PUS1: variants seen among roughly 807,000 people sequenced by gnomAD.
The protein encoded by PUS1 is pseudouridine synthase 1, also known as pseudouridylate synthase 1 homolog.
Under a neutral mutation model 38.5 loss-of-function variants are expected in PUS1, and 25 were observed. That is an observed-to-expected ratio of 0.65 (90% CI 0.47 to 0.91). The LOEUF is 0.91. PUS1 is among the 40% of genes least tolerant of loss of function. The probability of loss-of-function intolerance (pLI) is 0.00; values close to 1 mark genes in which losing one functional copy is unlikely to be tolerated. For missense variants in PUS1, 597 were observed against 612.3 expected (o/e 0.97, Z 0.26); for synonymous variants, 282 against 260.4 (o/e 1.08, Z -0.80).
chr12:131,932,869 G>T, intron 3 of PUS1: 1 of 448,136 alleles, frequency 2.2e-6, no homozygotes, highest in South Asian at 1.6e-5. Context: ...CTGTTATAAA[G>T]AACTGCTCAA....
rs1158013482 is a variant in PUS1, at chr12:131,930,138, G to T, written c.303+3G>T. On this transcript the variant is annotated splice_donor_region_variant and intron_variant, in intron 2 of 5. Transcript: ENST00000376649. ...GCAAGGGCTACCACGGCATGCAGGT[G>T]TGGCCGCCCGGGAAGCGGCAGGTCC... The T allele has an allele frequency of 7.0e-7, 1 of 1,423,154 alleles. No individual in the cohort carries two copies. Among genetic ancestry groups the T allele is most frequent in the Admixed American group, 2.8e-5 (1 of 35,990 alleles). 88.2% of individuals were successfully genotyped at this position (1,423,154 alleles called of 1,614,324 possible).
chr12:131,941,086 A>C lies in PUS1; in HGVS notation c.545-206A>C. The C allele has an allele frequency of 1.7e-6, 1 of 601,592 alleles. No individual in the cohort carries two copies. The highest frequency in any genetic ancestry group is 3.0e-6 in the Non-Finnish European group (1 of 336,098). The allele number at this position is 601,592 out of a possible 1,614,324, so 37.3% of individuals were successfully genotyped here. A position where few individuals can be genotyped will look rare whatever the true frequency, so the allele number is the denominator to read the frequency against. On this transcript the variant is annotated intron_variant, in intron 4 of 5. Transcript: ENST00000376649. This position sits in a 1 kb window ranked among gnomAD's most constrained non-coding sequence, Gnocchi z 4.4. ...TGTAAATTCAGTCACCTTATAGAGC[A>C]CTGCACCTGTCCCTCCTGTCCATCG... is the stretch of plus-strand genomic sequence containing the variant.
At chr12:131,933,789 CAA>C (rs1241002293) in intron 3 of PUS1, among the ~76,000 whole-genome samples, 3 of 152,096 alleles carry the variant, frequency 2.0e-5, no homozygotes, top group Admixed American at 6.6e-5. Flanking sequence ...TGTGCGGAGA[CAA>C]GAGATCGTAG....
At chr12:131,938,312 G>A (rs1234032393) in intron 3 of PUS1, among the ~76,000 whole-genome samples, 1 of 152,060 alleles carries the variant, frequency 6.6e-6, no homozygotes, top group Non-Finnish European at 1.5e-5. Flanking sequence ...AGGCATCGTG[G>A]TGCCTGTCTG....
Position 131,932,386 on chromosome 12 carries a change from T to G in PUS1, c.441+74T>G, listed in dbSNP as rs1044439884. ...TGGCCCACTTTCCAGCTCAGTGTTCTGGCTTGTTATGCTGTTTCTGAGCAC... is the reference window on the plus strand; with the variant it reads ...TGGCCCACTTTCCAGCTCAGTGTTCGGGCTTGTTATGCTGTTTCTGAGCAC... On this transcript the variant is annotated intron_variant, in intron 3 of 5. Transcript: ENST00000376649. 3 of 1,515,060 alleles carry G rather than the reference T, an allele frequency of 2.0e-6. No individual in the cohort carries two copies. The African/African-American group carries it at 4.1e-5, about 21-fold the overall frequency. The allele number at this position is 1,515,060 out of a possible 1,614,324, so 93.9% of individuals were successfully genotyped here.
intron 3 of PUS1, among the ~76,000 whole-genome samples, chr12:131,938,760 C>T (rs1488613999): frequency 2.0e-5 from 3 of 147,008 alleles, no homozygotes; most frequent in Non-Finnish European, 3.0e-5. Flanking sequence ...CTGGCTCTGT[C>T]ACCCAGGCTG....
chr12:131,929,978 G>A lies in PUS1; in HGVS notation c.146G>A (p.Cys49Tyr). 3 of 1,501,844 alleles carry A rather than the reference G, an allele frequency of 2.0e-6. No individual in the cohort carries two copies. The highest frequency in any genetic ancestry group is 1.3e-5 in the South Asian group (1 of 77,372). 93.0% of individuals were successfully genotyped at this position (1,501,844 alleles called of 1,614,324 possible). The stretch of plus-strand genomic sequence containing the variant: ...GCATGCCCCCAGGACCGGAGGTCCT[G>A]CAGCGGCCGGGCCGGGGGCGACCGC... ...GAACPQDRRS[C>Y]SGRAGGDRVW... Residue 49 changes from cysteine to tyrosine, a missense_variant, in exon 2 of 6, where the codon TGC becomes TAC. Cys to Tyr is a radical substitution (Grantham distance 194). Transcript: ENST00000376649.
intron 5 of PUS1, among the ~76,000 whole-genome samples, chr12:131,943,252 G>A (rs906263562): frequency 5.9e-5 from 9 of 152,236 alleles, no homozygotes; most frequent in African/African-American, 9.6e-5. Context: ...TGCATTTGTT[G>A]AGTTTCCAAA....
At position 131,929,786 on chromosome 12, in the gene PUS1, C is replaced by T; in HGVS notation, c.64C>T (p.Arg22Cys). 6.3e-7 allele frequency: 1 copy of T among 1,589,330 alleles called. No individual in the cohort carries two copies. Among genetic ancestry groups the T allele is most frequent in the Non-Finnish European group, 8.5e-7 (1 of 1,176,126 alleles). ...FGRWTLRLGPRPSCSPRMAGN... is the reference protein window; with the variant it reads ...FGRWTLRLGPCPSCSPRMAGN... Reference sequence around the variant, plus strand: ...ACGGTGGACCCTGCGCCTGGGACCGCGTCCGTCCTGGTAATGACCGCGACG... The same window carrying T: ...ACGGTGGACCCTGCGCCTGGGACCGTGTCCGTCCTGGTAATGACCGCGACG... Residue 22 changes from arginine to cysteine, a missense_variant, in exon 1 of 6, where the codon CGT becomes TGT. Physicochemically the swap from Arg to Cys is radical, Grantham distance 180. Transcript: ENST00000376649.
At chr12:131,942,324 C>T (rs1891113037) in intron 5 of PUS1, among the ~76,000 whole-genome samples, 1 of 152,186 alleles carries the variant, frequency 6.6e-6, no homozygotes, top group Non-Finnish European at 1.5e-5. Flanking sequence ...GGTGCAGAAG[C>T]TAAAAGCTAA....
At position 131,941,447 on chromosome 12, in the gene PUS1, A is replaced by G. The variant is rs1023565853; in HGVS notation, c.700A>G (p.Arg234Gly). The G allele has an allele frequency of 6.2e-7, 1 of 1,613,214 alleles. No homozygotes were observed. Among genetic ancestry groups the G allele is most frequent in the African/African-American group, 1.3e-5 (1 of 74,932 alleles). The change falls in exon 5 of 6, where the codon AGG becomes GGG. Residue 234 changes from arginine (R) to glycine (G), a missense_variant. Coordinates refer to ENST00000376649, the MANE Select transcript of PUS1 (RefSeq NM_025215.6). This position sits in a 1 kb window ranked among gnomAD's most constrained non-coding sequence, Gnocchi z 4.4. ...CGCCGAGACGCTGCAGCAGGTCAACAGGCTCCTGGCCTGCTACAAGGGCAC... is the reference window on the plus strand; with the variant it reads ...CGCCGAGACGCTGCAGCAGGTCAACGGGCTCCTGGCCTGCTACAAGGGCAC... ...LSAETLQQVN[R>G]LLACYKGTHN...
chr12:131,931,252 G>A (rs892668012), intron 2 of PUS1, among the ~76,000 whole-genome samples: 10 of 151,824 alleles, frequency 6.6e-5, no homozygotes, highest in African/African-American at 1.9e-4. Context: ...TCCGCCTCCC[G>A]GGTTCCACCG....
At position 131,936,070 on chromosome 12, in the gene PUS1, G is replaced by A. The variant is rs1365227729; in HGVS notation, c.442-3103G>A. ...TACTAAAGATACAAAAATTAGCCGG[G>A]TGTGTTGGTGGATGCCTGTAATCCC... On this transcript the variant is annotated intron_variant, in intron 3 of 5. Transcript: ENST00000376649. 2.6e-5 allele frequency among the ~76,000 whole-genome samples: 4 copies of A among 151,446 alleles called. No homozygotes were observed. The East Asian group carries it at 8.0e-4, about 30-fold the overall frequency.
intron 3 of PUS1, 190 bp downstream of exon 3, chr12:131,932,502 T>C (rs1890650671): frequency 1.6e-6 from 1 of 638,138 alleles, no homozygotes; most frequent in Non-Finnish European, 2.8e-6. Context: ...ATCTAGATGC[T>C]CCCTGCCAGT....
rs1487202874 is a variant in PUS1 at position 131,941,322 on chromosome 12, C to G, written c.575C>G (p.Ser192Cys). 2.5e-6 allele frequency: 4 copies of G among 1,614,198 alleles called. No individual in the cohort carries two copies. The South Asian group carries it at 4.4e-5, about 18-fold the overall frequency. Residue 192 changes from serine (S) to cysteine (C), a missense_variant, in exon 5 of 6, where the codon TCC (serine) becomes TGC (cysteine). Transcript: ENST00000376649. The surrounding 1 kb of genome is among the most constrained non-coding windows in gnomAD (Gnocchi z 4.4). ...AAGCGGGTCACGGGCGGGTTTAACTCCAAGAACAGATGTGATGCCAGGACC... is the reference window on the plus strand; with the variant it reads ...AAGCGGGTCACGGGCGGGTTTAACTGCAAGAACAGATGTGATGCCAGGACC... ...GLKRVTGGFN[S>C]KNRCDARTYC...
chr12:131,932,550 T>C (rs1176419466), intron 3 of PUS1: 2 of 590,710 alleles, frequency 3.4e-6, no homozygotes, highest in Non-Finnish European at 6.0e-6. Flanking sequence ...CTTTCTCTTG[T>C]GTTGATTCTG....
chr12:131,932,105 C>T (rs1459244199), intron 2 of PUS1, 70 bp from the exon 3 acceptor site: 4 of 1,437,484 alleles, frequency 2.8e-6, no homozygotes, highest in South Asian at 1.2e-5. Context: ...GAGTTCGAGA[C>T]CAGCCTGGGC....
intron 4 of PUS1, chr12:131,940,958 T>C (rs1891034215): frequency 3.0e-6 from 1 of 330,624 alleles, no homozygotes; most frequent in Admixed American, 4.2e-5. Context: ...AAAGATCAAA[T>C]AGGGCAATTA....
chr12:131,943,670 C>T lies in PUS1; in HGVS notation c.*84C>T. 1 of 1,122,872 alleles carries T rather than the reference C, an allele frequency of 8.9e-7. No individual in the cohort carries two copies. Among genetic ancestry groups the T allele is most frequent in the Non-Finnish European group, 1.4e-6 (1 of 739,994 alleles). 69.6% of individuals were successfully genotyped at this position (1,122,872 alleles called of 1,614,324 possible). On this transcript the variant is annotated 3_prime_UTR_variant, in exon 6 of 6. Transcript: ENST00000376649. ...TGCCACCCCTGTGGGCAGCAAGAAG[C>T]TGGGATCGCTGCAGCCATGTTTTCC...
Sources: gnomAD v4.1 joint callset for allele counts (sites outside exome capture counted in the v4.1 genomes callset) on GRCh38, gnomAD v4.1.1 for gene constraint, Gnocchi (gnomAD v3.1) non-coding constraint, MANE v1.5 for transcripts, NCBI Gene and HGNC (gene_info 2026-07-23, HGNC 2026-07-21) for gene names.